The following EGLN3 variants were observed in gnomAD, a reference collection of about 807,000 sequenced individuals.
EGLN3 encodes egl-9 family hypoxia inducible factor 3, also known as prolyl hydroxylase EGLN3.
EGLN3 carries 15 observed loss-of-function variants against 26.0 expected under a neutral mutation model. The ratio of observed to expected loss-of-function variants is 0.58; its 90% CI spans 0.39 to 0.89. The LOEUF (loss-of-function observed/expected upper bound fraction) is 0.89. Among genes scored for constraint, EGLN3 ranks in the 40% least tolerant of loss-of-function variants. The pLI is 0.00. For missense variants in EGLN3, 238 were observed against 311.6 expected (o/e 0.76, Z 1.78); for synonymous variants, 147 against 127.2 (o/e 1.16, Z -1.05).
Position 33,924,911 on chromosome 14 carries a change from T to C in EGLN3, c.*980A>G, listed in dbSNP as rs1031736976. ...AATACATCACCTTGCTTTTTTTGTG[T>C]TAAAGGGTGAGCTCATTAAAAAGGA... On this transcript the variant is annotated 3_prime_UTR_variant, in exon 5 of 5. Transcript: ENST00000250457. The C allele has an allele frequency of 8.2e-6, 1 of 121,734 alleles. No homozygotes were observed. Among genetic ancestry groups the C allele is most frequent in the Non-Finnish European group, 1.6e-5 (1 of 61,662 alleles). The allele number at this position is 121,734 out of a possible 1,614,324, so 7.5% of individuals were successfully genotyped here.
chr14:33,949,903 CA>C, intron 1 of EGLN3: 2 of 216,834 alleles, frequency 9.2e-6, no homozygotes, highest in Non-Finnish European at 1.8e-5. Context: ...CCCAACTCCA[CA>C]AACCAACTGC....
Position 33,950,708 on chromosome 14 carries a change from G to A in EGLN3, c.45C>T (p.Ala15=), listed in dbSNP as rs901591964. Residue 15 remains alanine (A), a synonymous_variant, in exon 1 of 5, where the codon GCC becomes GCT. Transcript: ENST00000250457. ...HIMRLDLEKI[A]LEYIVPCLHE... ...GCAGACAGGGCACGATGTACTCCAG[G>A]GCAATTTTCTCCAGGTCCAGCCTCA... 36 of 1,613,810 alleles carry A rather than the reference G, an allele frequency of 2.2e-5. No individual in the cohort carries two copies. Among genetic ancestry groups the A allele is most frequent in the Non-Finnish European group, 3.0e-5 (35 of 1,179,938 alleles).
intron 1 of EGLN3, among the ~76,000 whole-genome samples, chr14:33,944,667 A>C (rs1462655068): frequency 1.3e-5 from 2 of 152,252 alleles, no homozygotes; most frequent in South Asian, 2.1e-4. Context: ...ATGACTAATG[A>C]GCGTAAACGT....
At chr14:33,937,245 G>A (rs965973446) in intron 1 of EGLN3, among the ~76,000 whole-genome samples, 48 of 152,212 alleles carry the variant, frequency 3.2e-4, no homozygotes, top group African/African-American at 1.1e-3. Context: ...AGTATTAAAA[G>A]TGCTTTAGAA....
In EGLN3 at chr14:33,950,792, A is replaced by G. The variant is rs1594388195; in HGVS notation, c.-40T>C. ...CGAGGTCCGGGATCCCCAGCGTGCA[A>G]CCAGAGAGGGAACGATCTACACGAG... On this transcript the variant is annotated 5_prime_UTR_variant, in exon 1 of 5. Transcript: ENST00000250457. 3 of 1,547,736 alleles carry G rather than the reference A, an allele frequency of 1.9e-6. No individual in the cohort carries two copies. The African/African-American group carries it at 4.1e-5, about 21-fold the overall frequency.
intron 4 of EGLN3, 125 bp from the exon 5 acceptor site, chr14:33,926,047 G>GCT: frequency 1.2e-6 from 1 of 856,210 alleles, no homozygotes; most frequent in Non-Finnish European, 1.9e-6. Flanking sequence ...TCCTAATAGA[G>GCT]CTCTGCCAAA....
chr14:33,929,414 A>G (rs2064385924), intron 2 of EGLN3, among the ~76,000 whole-genome samples: 1 of 152,180 alleles, frequency 6.6e-6, no homozygotes, highest in Non-Finnish European at 1.5e-5. Context: ...GTGCAATGGC[A>G]CGATCTCGTT....
At chr14:33,940,993 A>G (rs1399180781) in intron 1 of EGLN3, among the ~76,000 whole-genome samples, 3 of 152,208 alleles carry the variant, frequency 2.0e-5, no homozygotes, top group African/African-American at 7.2e-5. Flanking sequence ...AAAGGCACTG[A>G]AAGCAACTAT....
At position 33,943,690 on chromosome 14, in the gene EGLN3, G is replaced by A. The variant is rs10132886; in HGVS notation, c.357+6706C>T. On this transcript the variant is annotated intron_variant, in intron 1 of 4. Coordinates refer to ENST00000250457, the MANE Select transcript of EGLN3 (RefSeq NM_022073.4). ...GCAGCCTTCCAAGCTTTATCCGGAA[G>A]TACACAAGATGCTGGCAGTGCTTAA... is the stretch of plus-strand genomic sequence containing the variant. Among the ~76,000 whole-genome samples the A allele has an allele frequency of 6.9e-3, 1,056 of 152,318 alleles. 11 individuals are homozygous for A. The highest frequency in any genetic ancestry group is 0.024 in the African/African-American group (999 of 41,570).
At chr14:33,927,272 G>A (rs959215433) in intron 3 of EGLN3, among the ~76,000 whole-genome samples, 3 of 151,798 alleles carry the variant, frequency 2.0e-5, no homozygotes, top group Admixed American at 1.3e-4. Context: ...AGGTTCAAGC[G>A]ATTCTCCTGC....
chr14:33,945,996 A>G (rs1465371162), intron 1 of EGLN3, among the ~76,000 whole-genome samples: 2 of 152,196 alleles, frequency 1.3e-5, no homozygotes, highest in Non-Finnish European at 2.9e-5. Flanking sequence ...GTCTGTTCAC[A>G]ATGCAGTCCT....
intron 1 of EGLN3, among the ~76,000 whole-genome samples, chr14:33,941,973 A>G (rs1019345967): frequency 6.6e-6 from 1 of 152,170 alleles, no homozygotes; most frequent in Non-Finnish European, 1.5e-5. Context: ...GAAAGGTCAG[A>G]TGTGGTCAGA....
chr14:33,950,239 A>G, intron 1 of EGLN3, 157 bp downstream of exon 1: 1 of 710,666 alleles, frequency 1.4e-6, no homozygotes, highest in South Asian at 1.6e-5. Context: ...AGCTGGGGCG[A>G]GGGGTGGGGG....
intron 2 of EGLN3, 100 bp from the exon 3 acceptor site, chr14:33,929,312 C>T (rs2064385272): frequency 2.1e-6 from 3 of 1,426,720 alleles, no homozygotes; most frequent in Non-Finnish European, 2.9e-6. Context: ...TGCTAACCAC[C>T]ACTCCAAATG....
intron 1 of EGLN3, among the ~76,000 whole-genome samples, chr14:33,944,531 G>A (rs1238339191): frequency 5.3e-5 from 8 of 152,208 alleles, no homozygotes; most frequent in Non-Finnish European, 1.2e-4. Flanking sequence ...TTGGATAGAT[G>A]TGACTTCTAA....
intron 1 of EGLN3, among the ~76,000 whole-genome samples, chr14:33,937,733 T>C (rs1294203644): frequency 6.6e-6 from 1 of 152,238 alleles, no homozygotes; most frequent in African/African-American, 2.4e-5. Context: ...TCGCAGAACC[T>C]ACTTACCCAG....
chr14:33,931,163 T>C lies in EGLN3; in HGVS notation c.410A>G (p.Asp137Gly), dbSNP rs1164315952. Residue 137 changes from aspartate (D) to glycine (G), a missense_variant, in exon 2 of 5, where the codon GAC (aspartate) becomes GGC (glycine). Physicochemically the swap from Asp to Gly is moderately conservative, Grantham distance 94. Coordinates refer to ENST00000250457, the MANE Select transcript of EGLN3 (RefSeq NM_022073.4). ...GNGTGYVRHV[D>G]NPNGDGRCIT... ...GCAGCGACCATCACCGTTGGGGTTGTCCACGTGGCGAACATAACCTGTTCC... is the reference window on the plus strand; with the variant it reads ...GCAGCGACCATCACCGTTGGGGTTGCCCACGTGGCGAACATAACCTGTTCC... The C allele has an allele frequency of 6.2e-7, 1 of 1,614,204 alleles. No homozygotes were observed. The highest frequency in any genetic ancestry group is 1.7e-5 in the Admixed American group (1 of 60,030).
intron 1 of EGLN3, among the ~76,000 whole-genome samples, chr14:33,946,363 C>T (rs2064518352): frequency 6.7e-6 from 1 of 150,222 alleles, no homozygotes; most frequent in Non-Finnish European, 1.5e-5. Context: ...GCAACAGGAG[C>T]AAAACTCTGT....
intron 1 of EGLN3, among the ~76,000 whole-genome samples, chr14:33,944,694 A>C (rs1481375707): frequency 6.6e-6 from 1 of 152,202 alleles, no homozygotes; most frequent in Non-Finnish European, 1.5e-5. Context: ...TTTAACCAGA[A>C]AAAGAGAAAG....
Sources: gnomAD v4.1 joint callset for allele counts (sites outside exome capture counted in the v4.1 genomes callset) on GRCh38, gnomAD v4.1.1 for gene constraint, MANE v1.5 for transcripts, NCBI Gene and HGNC (gene_info 2026-07-23, HGNC 2026-07-21) for gene names.